The following GRM7 variants were observed in gnomAD, a reference collection of about 807,000 sequenced individuals.
GRM7 encodes metabotropic glutamate receptor 7.
GRM7 carries 35 observed loss-of-function variants against 84.5 expected under a neutral mutation model. The observed-to-expected ratio is 0.41, with a 90% CI of 0.32 to 0.55. GRM7 has a LOEUF of 0.55. Among genes scored for constraint, GRM7 ranks in the 20% least tolerant of loss-of-function variants. GRM7 has a pLI of 0.19. For synonymous variants in GRM7, 487 were observed against 455.1 expected, an observed-to-expected ratio of 1.07 and a Z score of -0.89; for missense variants, 1,003 against 1,194.6, an observed-to-expected ratio of 0.84 and a Z score of 2.36.
Position 6,961,318 on chromosome 3 carries a change from C to T in GRM7, c.519+99411C>T, listed in dbSNP as rs148543557. On this transcript the variant is annotated intron_variant, in intron 1 of 9. Transcript: ENST00000357716. Reference sequence around the variant, plus strand: ...TGAAAACCCTGTCAATTCCACCTTACGCAGTTTAACTGCTACTCTTCTTGT... The same window carrying T: ...TGAAAACCCTGTCAATTCCACCTTATGCAGTTTAACTGCTACTCTTCTTGT... Among the ~76,000 whole-genome samples, 369 of 152,308 alleles carry T rather than the reference C, an allele frequency of 2.4e-3. 2 individuals carry two copies. Among genetic ancestry groups the T allele is most frequent in the African/African-American group, 8.4e-3 (348 of 41,574 alleles).
intron 1 of GRM7, among the ~76,000 whole-genome samples, chr3:6,918,849 C>T (rs1158373256): frequency 6.6e-6 from 1 of 152,164 alleles, no homozygotes; most frequent in African/African-American, 2.4e-5. Context: ...ACTGCACTTC[C>T]AGTCCCGGTT....
At chr3:7,358,912 G>A (rs1192673249) in intron 4 of GRM7, among the ~76,000 whole-genome samples, 1 of 148,518 alleles carries the variant, frequency 6.7e-6, no homozygotes, top group East Asian at 1.9e-4. Flanking sequence ...GAGGTCAGGG[G>A]TTTGAGACCA....
chr3:7,439,416 G>C lies in GRM7; in HGVS notation c.1175-13191G>C, dbSNP rs370481393. ...TCAGCCTATGTGAATTGCAGCTCAA[G>C]GAACCAGAGCCAGAAAAGGTTGATA... On this transcript the variant is annotated intron_variant, in intron 5 of 9. Coordinates refer to ENST00000357716, the MANE Select transcript of GRM7 (RefSeq NM_000844.4). 8.9e-4 allele frequency among the ~76,000 whole-genome samples: 136 copies of C among 152,258 alleles called. 5 individuals carry two copies. The South Asian group carries it at 0.026, about 29-fold the overall frequency.
At chr3:6,877,648 T>C (rs1201443072) in intron 1 of GRM7, among the ~76,000 whole-genome samples, 1 of 152,130 alleles carries the variant, frequency 6.6e-6, no homozygotes. Context: ...ATGAGGTAGA[T>C]TGACATTCCG....
At chr3:7,317,217 G>GTGA (rs1700615038) in intron 4 of GRM7, among the ~76,000 whole-genome samples, 1 of 152,068 alleles carries the variant, frequency 6.6e-6, no homozygotes, top group African/African-American at 2.4e-5. Context: ...AACGAACGTG[G>GTGA]TGATGTGTCT....
Position 6,889,043 on chromosome 3 carries a change from T to G in GRM7, c.519+27136T>G, listed in dbSNP as rs371458103. Among the ~76,000 whole-genome samples, 525 of 151,920 alleles carry G rather than the reference T, an allele frequency of 3.5e-3. 8 individuals are homozygous for G. The highest frequency in any genetic ancestry group is 0.012 in the African/African-American group (494 of 41,340). On this transcript the variant is annotated intron_variant, in intron 1 of 9. Transcript: ENST00000357716. The stretch of plus-strand genomic sequence containing the variant: ...TTTGGCTCTCTGTTTGTCTGTTATT[T>G]GTGTATAAGAATGCTTGTGATTTTT...
intron 1 of GRM7, among the ~76,000 whole-genome samples, chr3:6,897,041 A>C (rs1696209435): frequency 6.6e-6 from 1 of 152,194 alleles, no homozygotes; most frequent in South Asian, 2.1e-4. Flanking sequence ...ATCCTGAGCA[A>C]ATTACTCCAA....
At chr3:7,705,051 C>T (rs1037795141) in intron 9 of GRM7, among the ~76,000 whole-genome samples, 1 of 152,132 alleles carries the variant, frequency 6.6e-6, no homozygotes, top group Non-Finnish European at 1.5e-5. Context: ...CCCCCCAGGT[C>T]TTGACTTGCT....
Position 7,675,874 on chromosome 3 carries a change from T to A in GRM7, c.2452-4175T>A, listed in dbSNP as rs534122747. Among the ~76,000 whole-genome samples, 42 of 152,340 alleles carry A rather than the reference T, an allele frequency of 2.8e-4. No individual in the cohort carries two copies. The South Asian group carries it at 8.5e-3, about 31-fold the overall frequency. ...TTCCAGGCTTTCTGCTAAACCATTT[T>A]CATATATTAATTGGTTACTTCTTCG... On this transcript the variant is annotated intron_variant, in intron 8 of 9. Coordinates refer to ENST00000357716, the MANE Select transcript of GRM7 (RefSeq NM_000844.4).
intron 2 of GRM7, among the ~76,000 whole-genome samples, chr3:7,271,029 C>T (rs1698833639): frequency 6.6e-6 from 1 of 152,004 alleles, no homozygotes; most frequent in East Asian, 1.9e-4. Context: ...CAAGATTAGC[C>T]CTTGAAACTT....
chr3:7,225,148 C>A (rs1696941054), intron 2 of GRM7, among the ~76,000 whole-genome samples: 1 of 151,806 alleles, frequency 6.6e-6, no homozygotes, highest in Admixed American at 6.6e-5. Context: ...TTAATATCTC[C>A]TGACTTTTAA....
At chr3:7,729,937 C>T (rs1329219421) in intron 9 of GRM7, among the ~76,000 whole-genome samples, 5 of 140,936 alleles carry the variant, frequency 3.5e-5, no homozygotes, top group East Asian at 2.2e-4. Context: ...TACAGTGGCA[C>T]GATCTCAGCT....
At chr3:6,905,650 T>TTGA (rs1416842258) in intron 1 of GRM7, among the ~76,000 whole-genome samples, 2 of 152,192 alleles carry the variant, frequency 1.3e-5, no homozygotes, top group African/African-American at 4.8e-5. Flanking sequence ...TGAAAACCTT[T>TTGA]ATTTTGTTTC....
At chr3:7,630,667 T>G (rs1697825018) in intron 8 of GRM7, among the ~76,000 whole-genome samples, 1 of 152,164 alleles carries the variant, frequency 6.6e-6, no homozygotes, top group South Asian at 2.1e-4. Context: ...TTTAACGTTA[T>G]CAGCAAAACC....
At chr3:7,213,251 AT>A (rs1253232387) in intron 2 of GRM7, among the ~76,000 whole-genome samples, 1 of 152,226 alleles carries the variant, frequency 6.6e-6, no homozygotes, top group Non-Finnish European at 1.5e-5. Flanking sequence ...TGATATGAAA[AT>A]TGGATTTGAA....
chr3:7,524,004 C>T (rs535649146), intron 7 of GRM7, among the ~76,000 whole-genome samples: 1 of 152,178 alleles, frequency 6.6e-6, no homozygotes, highest in Admixed American at 6.5e-5. Context: ...CTATCTTGCT[C>T]CTAGAGAGAT....
intron 5 of GRM7, among the ~76,000 whole-genome samples, chr3:7,433,411 A>C (rs149463861): frequency 1.3e-5 from 2 of 152,310 alleles, no homozygotes; most frequent in African/African-American, 4.8e-5. Context: ...CTCTTGTGGG[A>C]TGTTGTCCCC....
At chr3:7,343,166 A>G (rs1692722505) in intron 4 of GRM7, among the ~76,000 whole-genome samples, 2 of 152,254 alleles carry the variant, frequency 1.3e-5, no homozygotes, top group Non-Finnish European at 2.9e-5. Context: ...GGCCCCCTTT[A>G]GCAGCAGAAG....
intron 1 of GRM7, among the ~76,000 whole-genome samples, chr3:7,055,866 G>A (rs1697200919): frequency 6.6e-6 from 1 of 151,876 alleles, no homozygotes; most frequent in Admixed American, 6.6e-5. Flanking sequence ...ACACACTCAT[G>A]GCCCTCTCAG....
Sources: gnomAD v4.1 joint callset for allele counts (sites outside exome capture counted in the v4.1 genomes callset) on GRCh38, gnomAD v4.1.1 for gene constraint, MANE v1.5 for transcripts, NCBI Gene and HGNC (gene_info 2026-07-23, HGNC 2026-07-21) for gene names.